The following ARNT2 variants were observed in gnomAD, a reference collection of about 807,000 sequenced individuals.
ARNT2 encodes the protein aryl hydrocarbon receptor nuclear translocator 2.
In ARNT2, 36 loss-of-function variants were observed where a neutral mutation model predicts 91.7. That is an observed-to-expected ratio of 0.39 (90% CI 0.30 to 0.52). ARNT2 has a LOEUF of 0.52. Ranked by LOEUF, ARNT2 falls within the 20% of genes least tolerant of loss-of-function variation. ARNT2 has a pLI of 0.72. For synonymous variants in ARNT2, 365 were observed against 347.1 expected (o/e 1.05, Z -0.57); for missense variants, 775 against 939.3 (o/e 0.83, Z 2.29).
intron 17 of ARNT2, among the ~76,000 whole-genome samples, chr15:80,583,885 C>T (rs553387318): frequency 3.3e-5 from 5 of 152,320 alleles, no homozygotes; most frequent in Non-Finnish European, 7.3e-5. Context: ...CAGCAGATGG[C>T]CCTTGATGTA....
chr15:80,458,926 C>T (rs530011735), intron 3 of ARNT2, among the ~76,000 whole-genome samples: 1 of 152,186 alleles, frequency 6.6e-6, no homozygotes, highest in Non-Finnish European at 1.5e-5. Flanking sequence ...CTGATGGCCT[C>T]AGTTGTTTTT....
At chr15:80,451,702 CAACT>C (rs1896394249) in intron 2 of ARNT2, among the ~76,000 whole-genome samples, 1 of 151,844 alleles carries the variant, frequency 6.6e-6, no homozygotes, top group Non-Finnish European at 1.5e-5. Context: ...ACCAATCAAC[CAACT>C]AACCAACCAA....
At chr15:80,571,383 C>A (rs1046230611) in intron 12 of ARNT2, among the ~76,000 whole-genome samples, 2 of 152,170 alleles carry the variant, frequency 1.3e-5, no homozygotes, top group African/African-American at 4.8e-5. Context: ...TTTGTGTAAT[C>A]CAAACAGCCT....
chr15:80,513,799 C>A, intron 6 of ARNT2, 112 bp from the exon 7 acceptor site: 2 of 900,292 alleles, frequency 2.2e-6, no homozygotes, highest in South Asian at 2.9e-5. Flanking sequence ...ATAGGCGTCA[C>A]CTGAATAAAT....
At chr15:80,531,814 T>C (rs2141442122) in intron 8 of ARNT2, among the ~76,000 whole-genome samples, 1 of 152,322 alleles carries the variant, frequency 6.6e-6, no homozygotes, top group South Asian at 2.1e-4. Context: ...CAGTCCAGCC[T>C]GCCACTCTTA....
intron 1 of ARNT2, among the ~76,000 whole-genome samples, chr15:80,416,291 G>GTT (rs34998163): frequency 2.0e-5 from 3 of 149,608 alleles, no homozygotes; most frequent in Admixed American, 2.0e-4. Context: ...GGCTTTATCA[G>GTT]TTTTTTTTTT....
chr15:80,536,496 C>G (rs1410385118), intron 8 of ARNT2, among the ~76,000 whole-genome samples: 1 of 152,198 alleles, frequency 6.6e-6, no homozygotes, highest in African/African-American at 2.4e-5. Flanking sequence ...TGTGTAGCCC[C>G]CAGGTACCCT....
At chr15:80,503,736 C>G (rs1044367084) in intron 5 of ARNT2, among the ~76,000 whole-genome samples, 1 of 152,348 alleles carries the variant, frequency 6.6e-6, no homozygotes, top group East Asian at 1.9e-4. Context: ...CAGCAGACGC[C>G]CAGGACCTCC....
chr15:80,503,508 A>G (rs905103314), intron 5 of ARNT2, among the ~76,000 whole-genome samples: 2 of 152,156 alleles, frequency 1.3e-5, no homozygotes, highest in Middle Eastern at 3.2e-3. Context: ...TCATTTCCTC[A>G]TGTTCCACTG....
intron 17 of ARNT2, among the ~76,000 whole-genome samples, chr15:80,585,309 A>G (rs1898875879): frequency 6.6e-6 from 1 of 152,216 alleles, no homozygotes; most frequent in Non-Finnish European, 1.5e-5. Flanking sequence ...TATTCCCTTA[A>G]CAAAGTAAGT....
chr15:80,419,931 C>T (rs1895838111), intron 1 of ARNT2, among the ~76,000 whole-genome samples: 1 of 152,138 alleles, frequency 6.6e-6, no homozygotes, highest in Admixed American at 6.5e-5. Flanking sequence ...AGGGGTGGAG[C>T]CTGAAGAGCC....
In ARNT2 at chr15:80,432,668, A is replaced by G. The variant is rs62006365; in HGVS notation, c.32-18212A>G. On this transcript the variant is annotated intron_variant, in intron 1 of 18. Transcript: ENST00000303329. ...TGTGGCTTAGGTGGTGCAGGTGGAG[A>G]TGGATCTTCTGCTTGGGCTGAGGCC... Among the ~76,000 whole-genome samples the G allele has an allele frequency of 8.2e-3, 1,240 of 151,982 alleles. 8 individuals carry two copies. The highest frequency in any genetic ancestry group is 0.015 in the Non-Finnish European group (997 of 67,990).
At chr15:80,572,370 T>C (rs1366997101) in intron 12 of ARNT2, among the ~76,000 whole-genome samples, 2 of 152,046 alleles carry the variant, frequency 1.3e-5, no homozygotes, top group African/African-American at 2.4e-5. Context: ...TTTACAGTTT[T>C]GTTACAGTGT....
intron 8 of ARNT2, among the ~76,000 whole-genome samples, chr15:80,550,724 C>G (rs537442730): frequency 6.6e-6 from 1 of 152,364 alleles, no homozygotes; most frequent in Admixed American, 6.5e-5. Context: ...CTTCCCCCTA[C>G]AAGGGGAAAC....
intron 17 of ARNT2, among the ~76,000 whole-genome samples, chr15:80,589,353 T>G (rs1264541206): frequency 2.1e-4 from 30 of 140,370 alleles, no homozygotes; most frequent in Admixed American, 8.2e-4. Flanking sequence ...TGCTGTGGGG[T>G]GGGGGTGGCT....
intron 17 of ARNT2, among the ~76,000 whole-genome samples, chr15:80,585,660 G>C (rs997498527): frequency 6.6e-6 from 1 of 152,160 alleles, no homozygotes; most frequent in East Asian, 1.9e-4. Context: ...CACTCAGTAG[G>C]GGGTGCAGAT....
At chr15:80,569,170 T>A (rs1567004348) in intron 12 of ARNT2, among the ~76,000 whole-genome samples, 1 of 152,190 alleles carries the variant, frequency 6.6e-6, no homozygotes, top group Non-Finnish European at 1.5e-5. Flanking sequence ...CTTCATGGCT[T>A]CTTGCTCACT....
At chr15:80,446,775 A>G (rs571427426) in intron 1 of ARNT2, among the ~76,000 whole-genome samples, 1 of 152,350 alleles carries the variant, frequency 6.6e-6, no homozygotes. Context: ...ATCTTAGTTT[A>G]GGTAAAATTT....
chr15:80,470,600 T>A (rs1157793564), intron 4 of ARNT2, among the ~76,000 whole-genome samples, 169 bp downstream of exon 4: 3 of 152,260 alleles, frequency 2.0e-5, no homozygotes, highest in Admixed American at 6.5e-5. Context: ...GTTTGTCTGA[T>A]CTTTGGGTCT....
Sources: gnomAD v4.1 joint callset for allele counts (sites outside exome capture counted in the v4.1 genomes callset) on GRCh38, gnomAD v4.1.1 for gene constraint, MANE v1.5 for transcripts, NCBI Gene and HGNC (gene_info 2026-07-23, HGNC 2026-07-21) for gene names.